The following ATP2B4 variants were observed in gnomAD, a reference collection of about 807,000 sequenced individuals.
The protein encoded by ATP2B4 is ATPase plasma membrane Ca2+ transporting 4.
A neutral mutation model predicts 110.3 loss-of-function variants in ATP2B4; 39 were observed. The observed-to-expected ratio is 0.35, with a 90% CI of 0.27 to 0.46. The LOEUF is 0.46. ATP2B4 is among the 20% of genes least tolerant of loss of function. The pLI is 1.00. For synonymous variants in ATP2B4, 538 were observed against 571.7 expected, an observed-to-expected ratio of 0.94 and a Z score of 0.84; for missense variants, 1,135 against 1,530.9, an observed-to-expected ratio of 0.74 and a Z score of 4.32.
At chr1:203,700,408 T>G in intron 5 of ATP2B4, 77 bp downstream of exon 5, 1 of 1,515,424 alleles carries the variant, frequency 6.6e-7, no homozygotes, top group South Asian at 1.3e-5. Context: ...CCCTGTTCTC[T>G]CCTCTGACTC....
At chr1:203,657,311 T>G in intron 1 of ATP2B4, 1 of 740,518 alleles carries the variant, frequency 1.4e-6, no homozygotes, top group African/African-American at 1.7e-5. Context: ...CCCTCTTCCA[T>G]GCCTTCTTCT....
At chr1:203,681,426 A>T (rs1041411770) in intron 1 of ATP2B4, among the ~76,000 whole-genome samples, 4 of 152,204 alleles carry the variant, frequency 2.6e-5, no homozygotes, top group Admixed American at 1.3e-4. Flanking sequence ...TATTTATTAC[A>T]GAGAGGTTGG....
rs71145015 is a variant in ATP2B4 at position 203,687,994 on chromosome 1, GATTATTATTATTATTATT to G, written c.193+4624_193+4641del. ...GCCTGGAGAGAGGGAGAGAGAAAGA[GATTATTATTATTATTATT>G]ATTATTATTATTATTATTATTATTA... is the stretch of plus-strand genomic sequence containing the variant. On this transcript the variant is annotated intron_variant, in intron 2 of 20. Transcript: ENST00000357681. 1.2e-3 allele frequency among the ~76,000 whole-genome samples: 167 copies of G among 138,674 alleles called. 1 individual carries two copies. The highest frequency in any genetic ancestry group is 3.6e-3 in the Middle Eastern group (1 of 276). The allele number at this position is 138,674 out of a possible 152,430, so 91.0% of individuals were successfully genotyped here.
intron 17 of ATP2B4, among the ~76,000 whole-genome samples, 168 bp from the exon 18 acceptor site, chr1:203,722,310 G>C (rs1666360776): frequency 6.6e-6 from 1 of 152,100 alleles, no homozygotes; most frequent in South Asian, 2.1e-4. Flanking sequence ...CTCCAGCCTG[G>C]GTGACAGAGT....
intron 20 of ATP2B4, among the ~76,000 whole-genome samples, chr1:203,730,993 GT>G (rs1174143156): frequency 6.6e-6 from 1 of 152,204 alleles, no homozygotes; most frequent in East Asian, 1.9e-4. Context: ...GATCTTTGTT[GT>G]CATTCTCATC....
At chr1:203,656,784 A>G (rs1664176541) in intron 1 of ATP2B4, among the ~76,000 whole-genome samples, 1 of 152,244 alleles carries the variant, frequency 6.6e-6, no homozygotes, top group South Asian at 2.1e-4. Flanking sequence ...ATTCAATTTT[A>G]TGAACATGGG....
rs1664361015 is a variant in ATP2B4, at chr1:203,662,218, G to T, written c.-464-20524G>T. ...TCTTTTTGTATTTTTAGTAGAGACAGGGTTTCACCGTGTTAGCCAGGATGG... is the reference window on the plus strand; with the variant it reads ...TCTTTTTGTATTTTTAGTAGAGACATGGTTTCACCGTGTTAGCCAGGATGG... On this transcript the variant is annotated intron_variant, in intron 1 of 20. Transcript: ENST00000357681. Among the ~76,000 whole-genome samples, 3 of 152,286 alleles carry T rather than the reference G, an allele frequency of 2.0e-5. No individual in the cohort carries two copies. The South Asian group carries it at 6.2e-4, about 32-fold the overall frequency.
At chr1:203,683,694 G>A (rs1177699602) in intron 2 of ATP2B4, among the ~76,000 whole-genome samples, 1 of 99,826 alleles carries the variant, frequency 1.0e-5, no homozygotes, top group Admixed American at 1.5e-4. Context: ...TTTTTGGTGA[G>A]ACAGGGTCCT....
At chr1:203,640,412 G>A (rs1186123657) in intron 1 of ATP2B4, among the ~76,000 whole-genome samples, 1 of 152,098 alleles carries the variant, frequency 6.6e-6, no homozygotes, top group Admixed American at 6.5e-5. Context: ...CAACTTCCTA[G>A]GATCAGGTGA....
rs933753834 is a variant in ATP2B4 at position 203,682,855 on chromosome 1, T to A, written c.-351T>A. On this transcript the variant is annotated 5_prime_UTR_variant, in exon 2 of 21. Coordinates refer to ENST00000357681, the MANE Select transcript of ATP2B4 (RefSeq NM_001684.5). ...TGCCATGGTAACATGCACATCCTGT[T>A]TACACCTTCATCTGGGCAAGTTGGT... 2 of 186,552 alleles carry A rather than the reference T, an allele frequency of 1.1e-5. No individual in the cohort carries two copies. The highest frequency in any genetic ancestry group is 4.7e-5 in the African/African-American group (2 of 42,822). 11.6% of individuals were successfully genotyped at this position (186,552 alleles called of 1,614,324 possible).
At chr1:203,715,278 A>T (rs1300447062) in intron 15 of ATP2B4, among the ~76,000 whole-genome samples, 2 of 142,318 alleles carry the variant, frequency 1.4e-5, no homozygotes, top group Admixed American at 1.4e-4. Context: ...CTGTCTCAAA[A>T]AACAAAAGAG....
At chr1:203,663,874 G>A (rs1664424272) in intron 1 of ATP2B4, among the ~76,000 whole-genome samples, 1 of 152,144 alleles carries the variant, frequency 6.6e-6, no homozygotes, top group African/African-American at 2.4e-5. Context: ...GAGTCTCTGG[G>A]ATTACAGGCA....
intron 1 of ATP2B4, among the ~76,000 whole-genome samples, chr1:203,638,393 C>T (rs112005793): frequency 1.3e-4 from 20 of 152,308 alleles, no homozygotes; most frequent in African/African-American, 4.6e-4. Flanking sequence ...CATATTACAG[C>T]CTTCTTTGTG....
chr1:203,691,793 G>T (rs566128949), intron 2 of ATP2B4, among the ~76,000 whole-genome samples: 24 of 152,296 alleles, frequency 1.6e-4, no homozygotes, highest in African/African-American at 5.8e-4. Flanking sequence ...GCCAGAGATG[G>T]CTAGATCTTG....
intron 1 of ATP2B4, among the ~76,000 whole-genome samples, chr1:203,640,921 C>T (rs957909205): frequency 4.6e-5 from 7 of 152,184 alleles, no homozygotes; most frequent in Admixed American, 2.6e-4. Context: ...CGACTAAATG[C>T]CAGATGCTTC....
At chr1:203,635,701 A>AT (rs929187574) in intron 1 of ATP2B4, among the ~76,000 whole-genome samples, 1 of 152,052 alleles carries the variant, frequency 6.6e-6, no homozygotes, top group Non-Finnish European at 1.5e-5. Flanking sequence ...TTATTGTGCT[A>AT]TTTTTTTCAA....
At chr1:203,651,594 GC>G (rs1311239980) in intron 1 of ATP2B4, among the ~76,000 whole-genome samples, 1 of 152,086 alleles carries the variant, frequency 6.6e-6, no homozygotes, top group Non-Finnish European at 1.5e-5. Flanking sequence ...TGCTTTATAT[GC>G]TTTATCTAAA....
chr1:203,672,277 T>C (rs1368725206), intron 1 of ATP2B4, among the ~76,000 whole-genome samples: 3 of 150,552 alleles, frequency 2.0e-5, no homozygotes, highest in Non-Finnish European at 4.4e-5. Flanking sequence ...TCATAGGCTC[T>C]ATTTTCTGGC....
intron 2 of ATP2B4, among the ~76,000 whole-genome samples, chr1:203,695,717 C>G (rs1489074220): frequency 1.5e-5 from 2 of 136,064 alleles, no homozygotes; most frequent in African/African-American, 2.6e-5. Flanking sequence ...ACTTTCATCT[C>G]CCACCCCCCA....
Sources: gnomAD v4.1 joint callset for allele counts (sites outside exome capture counted in the v4.1 genomes callset) on GRCh38, gnomAD v4.1.1 for gene constraint, MANE v1.5 for transcripts, NCBI Gene and HGNC (gene_info 2026-07-23, HGNC 2026-07-21) for gene names.